The following DAAM1 variants were observed in gnomAD, a reference collection of about 807,000 sequenced individuals.
The protein encoded by DAAM1 is disheveled-associated activator of morphogenesis 1.
A neutral mutation model predicts 130.0 loss-of-function variants in DAAM1; 52 were observed. The ratio of observed to expected loss-of-function variants is 0.40; its 90% CI spans 0.32 to 0.50. DAAM1 has a LOEUF of 0.50. DAAM1 is among the 20% of genes least tolerant of loss of function. The pLI is 0.61. For missense variants in DAAM1, 1,134 were observed against 1,303.8 expected, an observed-to-expected ratio of 0.87 and a Z score of 2.01; for synonymous variants, 452 against 444.5, an observed-to-expected ratio of 1.02 and a Z score of -0.21.
intron 22 of DAAM1, among the ~76,000 whole-genome samples, chr14:59,362,009 G>A (rs1054744824): frequency 7.4e-5 from 10 of 135,774 alleles, no homozygotes; most frequent in African/African-American, 2.2e-4. Context: ...GAGCATGTGA[G>A]GTTTTTTTCC....
intron 21 of DAAM1, among the ~76,000 whole-genome samples, chr14:59,360,062 A>G (rs1009358900): frequency 1.3e-5 from 2 of 152,238 alleles, no homozygotes; most frequent in African/African-American, 4.8e-5. Flanking sequence ...AGTGAATTTG[A>G]AAAGTATAAT....
chr14:59,357,300 T>G (rs1175238558), intron 20 of DAAM1: 1 of 152,220 alleles, frequency 6.6e-6, no homozygotes, highest in Non-Finnish European at 1.5e-5. Flanking sequence ...TGATGGCGGC[T>G]GGCATTTTGC....
intron 3 of DAAM1, among the ~76,000 whole-genome samples, chr14:59,294,152 G>C (rs566626176): frequency 1.3e-5 from 2 of 152,322 alleles, no homozygotes; most frequent in Non-Finnish European, 2.9e-5. Context: ...CAGATGGCGT[G>C]AGTTGGTGAA....
At chr14:59,206,321 T>C (rs2139402754) in intron 1 of DAAM1, among the ~76,000 whole-genome samples, 1 of 152,214 alleles carries the variant, frequency 6.6e-6, no homozygotes, top group East Asian at 1.9e-4. Context: ...TGTCGCCCAG[T>C]CTGGAGTACA....
chr14:59,350,298 A>G (rs553573867), intron 17 of DAAM1, among the ~76,000 whole-genome samples: 39 of 151,896 alleles, frequency 2.6e-4, no homozygotes, highest in African/African-American at 8.9e-4. Flanking sequence ...CCCCTTCTCT[A>G]TATCTGCAAC....
intron 15 of DAAM1, among the ~76,000 whole-genome samples, chr14:59,336,331 A>G (rs1279009349): frequency 6.6e-6 from 1 of 152,218 alleles, no homozygotes; most frequent in East Asian, 1.9e-4. Context: ...TATGCCAGAA[A>G]TTGCCTGGAA....
chr14:59,347,731 A>G, intron 17 of DAAM1, 108 bp downstream of exon 17: 1 of 1,088,158 alleles, frequency 9.2e-7, no homozygotes, highest in Non-Finnish European at 1.4e-6. Flanking sequence ...CTCATCTATG[A>G]ATTGAGGAGG....
chr14:59,289,997 G>T (rs1256282065), intron 2 of DAAM1, among the ~76,000 whole-genome samples: 1 of 151,898 alleles, frequency 6.6e-6, no homozygotes, highest in East Asian at 1.9e-4. Flanking sequence ...AGGTGGTGGG[G>T]GTGTTGGCAG....
intron 1 of DAAM1, among the ~76,000 whole-genome samples, chr14:59,190,097 G>T (rs1887685140): frequency 1.3e-5 from 2 of 152,158 alleles, no homozygotes; most frequent in African/African-American, 4.8e-5. Context: ...ATGTGGCTCT[G>T]CGGGCAGCTG....
chr14:59,229,882 G>A (rs1449667920), intron 1 of DAAM1, among the ~76,000 whole-genome samples: 1 of 152,148 alleles, frequency 6.6e-6, no homozygotes, highest in Admixed American at 6.5e-5. Flanking sequence ...ATAAATAACT[G>A]TTCACCAGGT....
chr14:59,204,798 G>C (rs1311947821), intron 1 of DAAM1, among the ~76,000 whole-genome samples: 1 of 152,196 alleles, frequency 6.6e-6, no homozygotes, highest in African/African-American at 2.4e-5. Context: ...TTGGGAGGCC[G>C]AGGCAGGTGG....
chr14:59,324,149 A>G lies in DAAM1; in HGVS notation c.796A>G (p.Lys266Glu), dbSNP rs751097009. ...ATAGACATTAATTAACGACTTGGAT[A>G]AAAGCACTGGGCGGTATCGAGATGA... Reference protein sequence around the residue: ...RFQTLINDLDKSTGRYRDEVS... With the variant: ...RFQTLINDLDESTGRYRDEVS... The change falls in exon 7 of 25, where the codon AAA (lysine) becomes GAA (glutamate). Residue 266 changes from lysine to glutamate, a missense_variant. Lys to Glu is a moderately conservative substitution (Grantham distance 56, BLOSUM62 1). This residue lies in a region of DAAM1 where 391 missense variants were observed against 521.6 expected (regional missense o/e 0.75). Transcript: ENST00000360909. The G allele has an allele frequency of 1.4e-6, 2 of 1,415,996 alleles. No individual in the cohort carries two copies. Among genetic ancestry groups the G allele is most frequent in the Non-Finnish European group, 1.9e-6 (2 of 1,075,580 alleles). The allele number at this position is 1,415,996 out of a possible 1,614,324, so 87.7% of individuals were successfully genotyped here.
chr14:59,201,890 C>G (rs1253331916), intron 1 of DAAM1, among the ~76,000 whole-genome samples: 1 of 151,956 alleles, frequency 6.6e-6, no homozygotes, highest in Non-Finnish European at 1.5e-5. Flanking sequence ...GGTCTTTTAC[C>G]TGTCATATAG....
At chr14:59,336,513 C>G (rs1594832510) in intron 15 of DAAM1, among the ~76,000 whole-genome samples, 1 of 152,120 alleles carries the variant, frequency 6.6e-6, no homozygotes, top group African/African-American at 2.4e-5. Flanking sequence ...TTCTAACATG[C>G]CCCTTTGAAT....
intron 1 of DAAM1, among the ~76,000 whole-genome samples, chr14:59,219,243 A>G (rs1262006522): frequency 2.6e-5 from 4 of 152,136 alleles, no homozygotes; most frequent in Non-Finnish European, 5.9e-5. Flanking sequence ...ACTACCTTCC[A>G]CCACCACCCC....
rs1885457179 is a variant in DAAM1 at position 59,331,930 on chromosome 14, T to C, written c.1968+10T>C. The stretch of plus-strand genomic sequence containing the variant: ...CTATCAAAGACAGCAGGTAACAGCA[T>C]ATGCCCTCCAGACACCAAAAAGGTA... On this transcript the variant is annotated intron_variant, in intron 15 of 24. Coordinates refer to ENST00000360909, the MANE Select transcript of DAAM1 (RefSeq NM_001270520.2). The C allele has an allele frequency of 6.2e-7, 1 of 1,608,800 alleles. No homozygotes were observed. The highest frequency in any genetic ancestry group is 8.5e-7 in the Non-Finnish European group (1 of 1,175,894).
intron 3 of DAAM1, among the ~76,000 whole-genome samples, chr14:59,291,931 T>G (rs1026395417): frequency 6.6e-6 from 1 of 152,166 alleles, no homozygotes. Flanking sequence ...GGGGTTCTAT[T>G]ACCTCAAGAG....
intron 1 of DAAM1, among the ~76,000 whole-genome samples, chr14:59,205,959 G>C (rs1296680066): frequency 6.6e-6 from 1 of 152,128 alleles, no homozygotes; most frequent in Admixed American, 6.5e-5. Flanking sequence ...ACCTCCCCGA[G>C]CTCAGGTGAT....
At position 59,308,421 on chromosome 14, in the gene DAAM1, T is replaced by G. The variant is rs540483078; in HGVS notation, c.274-6859T>G. Among the ~76,000 whole-genome samples the G allele has an allele frequency of 3.3e-5, 5 of 152,312 alleles. No individual in the cohort carries two copies. In the South Asian group the frequency reaches 8.3e-4, roughly 25 times the overall value. On this transcript the variant is annotated intron_variant, in intron 3 of 24. Coordinates refer to ENST00000360909, the MANE Select transcript of DAAM1 (RefSeq NM_001270520.2). ...CTGGGTCATTGTTCATAGGAGAGAT[T>G]AAACTTATTCCATGCAGTTCCCAGG...
Sources: gnomAD v4.1 joint callset for allele counts (sites outside exome capture counted in the v4.1 genomes callset) on GRCh38, gnomAD v4.1.1 for gene constraint, gnomAD v4.1.1 regional missense constraint, MANE v1.5 for transcripts, NCBI Gene and HGNC (gene_info 2026-07-23, HGNC 2026-07-21) for gene names.